PDE11A: variants seen among roughly 807,000 people sequenced by gnomAD.
The protein encoded by PDE11A is dual 3',5'-cyclic-AMP and -GMP phosphodiesterase 11A.
Under a neutral mutation model 100.5 loss-of-function variants are expected in PDE11A, and 100 were observed. The observed-to-expected ratio is 1.00, with a 90% CI of 0.85 to 1.18. The LOEUF (loss-of-function observed/expected upper bound fraction) is 1.18, where lower values mean the gene tolerates loss of function less well. Ranked by LOEUF, PDE11A falls within the 50% of genes most tolerant of loss-of-function variation. PDE11A has a pLI of 0.00. For synonymous variants in PDE11A, 381 were observed against 420.8 expected (o/e 0.91, Z 1.16); for missense variants, 1,141 against 1,152.6 (o/e 0.99, Z 0.15).
intron 5 of PDE11A, among the ~76,000 whole-genome samples, chr2:177,852,889 A>G (rs1050950667): frequency 1.3e-5 from 2 of 152,108 alleles, no homozygotes; most frequent in Non-Finnish European, 2.9e-5. Flanking sequence ...TCACACTTTT[A>G]TTCCTCTCAT....
At chr2:177,913,791 T>C (rs1370384234) in intron 2 of PDE11A, among the ~76,000 whole-genome samples, 1 of 152,182 alleles carries the variant, frequency 6.6e-6, no homozygotes, top group African/African-American at 2.4e-5. Context: ...GACATTGCCA[T>C]TGTTTCTAAT....
intron 2 of PDE11A, among the ~76,000 whole-genome samples, chr2:177,965,013 C>A (rs1008646640): frequency 6.6e-6 from 1 of 152,182 alleles, no homozygotes; most frequent in Non-Finnish European, 1.5e-5. Flanking sequence ...TCCCTTTTCT[C>A]TACAACCTCA....
At chr2:177,782,473 T>C (rs1408335311) in intron 9 of PDE11A, among the ~76,000 whole-genome samples, 1 of 152,208 alleles carries the variant, frequency 6.6e-6, no homozygotes, top group East Asian at 1.9e-4. Flanking sequence ...TTCCTTGTCT[T>C]TCAAAATCTA....
intron 2 of PDE11A, among the ~76,000 whole-genome samples, chr2:177,979,346 A>G (rs2085849667): frequency 6.6e-6 from 1 of 150,736 alleles, no homozygotes; most frequent in Non-Finnish European, 1.5e-5. Flanking sequence ...AAAGAAAAAG[A>G]AAATGAAATA....
intron 12 of PDE11A, among the ~76,000 whole-genome samples, chr2:177,715,709 A>G (rs1259303066): frequency 2.0e-5 from 3 of 151,966 alleles, no homozygotes; most frequent in Non-Finnish European, 2.9e-5. Flanking sequence ...TGGATGCATG[A>G]TCTTTTCTTG....
intron 5 of PDE11A, among the ~76,000 whole-genome samples, chr2:177,856,938 C>A (rs1325343999): frequency 1.3e-5 from 2 of 151,900 alleles, no homozygotes; most frequent in East Asian, 1.9e-4. Flanking sequence ...CATTAATCTA[C>A]ACATTAAAGG....
At chr2:177,829,712 A>G (rs2083281326) in intron 6 of PDE11A, among the ~76,000 whole-genome samples, 1 of 151,622 alleles carries the variant, frequency 6.6e-6, no homozygotes. Flanking sequence ...TCGGCCTCCT[A>G]AAGTGCTGGG....
intron 2 of PDE11A, among the ~76,000 whole-genome samples, chr2:177,933,173 G>A (rs550280102): frequency 6.6e-5 from 10 of 151,970 alleles, no homozygotes; most frequent in South Asian, 4.1e-4. Flanking sequence ...TAAAAAGATC[G>A]TAGATGACAC....
intron 14 of PDE11A, among the ~76,000 whole-genome samples, chr2:177,700,874 G>T (rs527330724): frequency 6.6e-6 from 1 of 152,278 alleles, no homozygotes; most frequent in African/African-American, 2.4e-5. Context: ...CTGTTACCCT[G>T]CTAAGTGAAT....
chr2:177,654,997 G>T (rs2080360990), intron 19 of PDE11A, among the ~76,000 whole-genome samples: 1 of 152,144 alleles, frequency 6.6e-6, no homozygotes. Flanking sequence ...AGGACTTGGG[G>T]TTAAGACATT....
rs1314180178 is a variant in PDE11A at position 177,680,876 on chromosome 2, G to C, written c.2373C>G (p.Val791=). 1.3e-6 allele frequency: 2 copies of C among 1,592,882 alleles called. No homozygotes were observed. Among genetic ancestry groups the C allele is most frequent in the South Asian group, 2.2e-5 (2 of 90,324 alleles). ...TGTTCCAATCGTATTCTCCTTTACT[G>C]ACAAGTTCAAAGAATTCAGTTCTCC... ...FERRTEFFEL[V]SKGEYDWNIK... Residue 791 remains valine (V), a synonymous_variant, in exon 16 of 20, where the codon GTC becomes GTG. Coordinates refer to ENST00000286063, the MANE Select transcript of PDE11A (RefSeq NM_016953.4).
chr2:177,995,813 C>T (rs2086065783), intron 2 of PDE11A, among the ~76,000 whole-genome samples: 1 of 152,116 alleles, frequency 6.6e-6, no homozygotes, highest in Non-Finnish European at 1.5e-5. Context: ...TTCTGGGTAG[C>T]CCTGGTTATG....
At position 178,022,523 on chromosome 2, in the gene PDE11A, T is replaced by C. The variant is rs549301416; in HGVS notation, c.913-8063A>G. 2.4e-4 allele frequency among the ~76,000 whole-genome samples: 37 copies of C among 152,144 alleles called. No individual in the cohort carries two copies. The East Asian group carries it at 7.0e-3, about 29-fold the overall frequency. On this transcript the variant is annotated intron_variant, in intron 1 of 19. Coordinates refer to ENST00000286063, the MANE Select transcript of PDE11A (RefSeq NM_016953.4). ...CAGGAAAAGGACTTGAAATGGAAAG[T>C]AAAAATTGTCTAGGTAAGGATGGGA...
chr2:177,794,214 GA>G (rs2082673769), intron 9 of PDE11A, among the ~76,000 whole-genome samples: 1 of 152,154 alleles, frequency 6.6e-6, no homozygotes, highest in Non-Finnish European at 1.5e-5. Flanking sequence ...AGGTGGCACT[GA>G]ATAGTACAAA....
chr2:177,739,294 T>C (rs1561320), intron 10 of PDE11A, among the ~76,000 whole-genome samples: 108,793 of 152,030 alleles, frequency 0.72, 40,290 homozygotes, highest in East Asian at 0.86. Flanking sequence ...AGGGTGAAAC[T>C]GGAACCTTGG....
Position 177,979,081 on chromosome 2 carries a change from A to T in PDE11A, c.1071+35221T>A, listed in dbSNP as rs1264593698. 3.6e-5 allele frequency among the ~76,000 whole-genome samples: 3 copies of T among 83,636 alleles called. 1 individual carries two copies. The highest frequency in any genetic ancestry group is 7.8e-5 in the Non-Finnish European group (3 of 38,390). 54.9% of individuals were successfully genotyped at this position (83,636 alleles called of 152,430 possible). A position where few individuals can be genotyped will look rare whatever the true frequency, so the allele number is the denominator to read the frequency against. On this transcript the variant is annotated intron_variant, in intron 2 of 19. Coordinates refer to ENST00000286063, the MANE Select transcript of PDE11A (RefSeq NM_016953.4). ...ACCCTAAAACTTAGAGTATAATAAA[A>T]AAAAAAAAAAAAAGAAAGAAAATGG... is the stretch of plus-strand genomic sequence containing the variant.
Position 177,668,045 on chromosome 2 carries a change from TGAG to T in PDE11A, c.2562+1445_2562+1447del, listed in dbSNP as rs543845601. Among the ~76,000 whole-genome samples the T allele has an allele frequency of 1.1e-4, 16 of 152,314 alleles. No individual in the cohort carries two copies. In the East Asian group the frequency reaches 2.9e-3, roughly 28 times the overall value. ...CCTGCCACATCAGCCAGGCCTCCCC[TGAG>T]GAGATGGTCATCAGTGGTGCTCCGT... is the stretch of plus-strand genomic sequence containing the variant. On this transcript the variant is annotated intron_variant, in intron 18 of 19. Transcript: ENST00000286063.
intron 17 of PDE11A, among the ~76,000 whole-genome samples, chr2:177,675,179 T>G (rs893227916): frequency 2.6e-5 from 4 of 152,040 alleles, no homozygotes; most frequent in Admixed American, 2.6e-4. Context: ...AACTCTTGCC[T>G]TAATGGTCAA....
intron 10 of PDE11A, among the ~76,000 whole-genome samples, chr2:177,740,704 A>G (rs2081859416): frequency 6.6e-6 from 1 of 152,256 alleles, no homozygotes; most frequent in African/African-American, 2.4e-5. Flanking sequence ...ACTGCAGCAC[A>G]GCATGGAATT....
Sources: allele counts gnomAD v4.1 joint callset (sites outside exome capture counted in the v4.1 genomes callset), GRCh38; gene constraint gnomAD v4.1.1; transcripts MANE v1.5; gene names NCBI Gene and HGNC (gene_info 2026-07-23, HGNC 2026-07-21).